Variants in STYX observed in about 807,000 individuals in gnomAD.
The protein encoded by STYX is serine/threonine/tyrosine interacting protein.
STYX carries 20 observed loss-of-function variants against 42.7 expected under a neutral mutation model. That is an observed-to-expected ratio of 0.47 (90% CI 0.33 to 0.68). The LOEUF (loss-of-function observed/expected upper bound fraction) is 0.68, where lower values mean the gene tolerates loss of function less well. Ranked by LOEUF, STYX falls within the 30% of genes least tolerant of loss-of-function variation. STYX has a pLI of 0.02. For synonymous variants in STYX, 78 were observed against 81.9 expected (o/e 0.95, Z 0.26); for missense variants, 226 against 268.5 (o/e 0.84, Z 1.11).
At chr14:52,759,216 G>T (rs928792125) in intron 8 of STYX, among the ~76,000 whole-genome samples, 1 of 152,200 alleles carries the variant, frequency 6.6e-6, no homozygotes, top group South Asian at 2.1e-4. Flanking sequence ...TCAGACTTGA[G>T]GACTCAAGTA....
intron 3 of STYX, among the ~76,000 whole-genome samples, chr14:52,748,565 G>A (rs919939078): frequency 6.6e-6 from 1 of 152,156 alleles, no homozygotes; most frequent in African/African-American, 2.4e-5. Flanking sequence ...TTAAATGTGA[G>A]GTAAGGTCAT....
intron 1 of STYX, among the ~76,000 whole-genome samples, chr14:52,739,096 G>GT (rs1881079999): frequency 1.5e-5 from 2 of 136,188 alleles, no homozygotes; most frequent in East Asian, 4.2e-4. Context: ...GATTTTGTTT[G>GT]TTTTTGGTAT....
In STYX at chr14:52,745,548, C is replaced by G. The variant is rs557206849; in HGVS notation, c.90+664C>G. On this transcript the variant is annotated intron_variant, in intron 2 of 10. Transcript: ENST00000354586. ...GATAAGTTAGGGAGAGTTGTCTGTA[C>G]AGCAAATAAGCATTGTTCATTTTGT... Among the ~76,000 whole-genome samples the G allele has an allele frequency of 1.9e-4, 29 of 152,310 alleles. No individual in the cohort carries two copies. In the South Asian group the frequency reaches 6.0e-3, roughly 32 times the overall value.
At chr14:52,741,442 G>T (rs1009180289) in intron 1 of STYX, among the ~76,000 whole-genome samples, 1 of 151,732 alleles carries the variant, frequency 6.6e-6, no homozygotes, top group Non-Finnish European at 1.5e-5. Flanking sequence ...TGAGTTTCGT[G>T]TGTGTGTGTA....
chr14:52,735,126 A>T (rs1296819509), intron 1 of STYX, among the ~76,000 whole-genome samples: 3 of 151,976 alleles, frequency 2.0e-5, no homozygotes, highest in African/African-American at 7.2e-5. Context: ...GACCAAACCC[A>T]GGTATTATAA....
rs370485509 is a variant in STYX at position 52,757,363 on chromosome 14, A to G, written c.340+8A>G. On this transcript the variant is annotated splice_region_variant and intron_variant, in intron 6 of 10. Transcript: ENST00000354586. ...GGAGCTTACAAATGGGAGGTAAATA[A>G]CATTTCCTTTCCTTAACTAATGTTT... 1.9e-6 allele frequency: 3 copies of G among 1,600,054 alleles called. No homozygotes were observed. Among genetic ancestry groups the G allele is most frequent in the Non-Finnish European group, 1.7e-6 (2 of 1,169,942 alleles).
chr14:52,734,670 T>C (rs1880873947), intron 1 of STYX, among the ~76,000 whole-genome samples: 1 of 152,222 alleles, frequency 6.6e-6, no homozygotes, highest in Non-Finnish European at 1.5e-5. Context: ...GATGCAAGTA[T>C]TGTCTGCTGA....
chr14:52,759,202 A>C (rs1044146229), intron 8 of STYX, among the ~76,000 whole-genome samples: 2 of 152,118 alleles, frequency 1.3e-5, no homozygotes, highest in Admixed American at 1.3e-4. Context: ...AGCTCACTGT[A>C]GTCTCAGACT....
intron 1 of STYX, among the ~76,000 whole-genome samples, chr14:52,732,062 A>G (rs1000279639): frequency 1.4e-5 from 2 of 144,664 alleles, no homozygotes; most frequent in Non-Finnish European, 3.0e-5. Flanking sequence ...GGTGTGAGCC[A>G]CTGCACCTGG....
intron 10 of STYX, among the ~76,000 whole-genome samples, chr14:52,770,725 C>G (rs1882479089): frequency 6.6e-6 from 1 of 151,980 alleles, no homozygotes; most frequent in Admixed American, 6.6e-5. Flanking sequence ...AAACAATTAA[C>G]TTGATAACTA....
At chr14:52,734,659 T>C (rs982133580) in intron 1 of STYX, among the ~76,000 whole-genome samples, 1 of 152,216 alleles carries the variant, frequency 6.6e-6, no homozygotes, top group African/African-American at 2.4e-5. Flanking sequence ...TAGTGGATAA[T>C]GATGCAAGTA....
chr14:52,733,220 G>A (rs1194902762), intron 1 of STYX, among the ~76,000 whole-genome samples: 3 of 151,968 alleles, frequency 2.0e-5, no homozygotes, highest in African/African-American at 4.8e-5. Flanking sequence ...AAATTTTCCC[G>A]GACTTTGCAT....
chr14:52,752,866 T>G (rs1386550704), intron 4 of STYX, among the ~76,000 whole-genome samples: 1 of 141,726 alleles, frequency 7.1e-6, no homozygotes, highest in Non-Finnish European at 1.5e-5. Context: ...TAATTTTGTT[T>G]TTTTTTGTTG....
At chr14:52,757,705 G>C in intron 6 of STYX, 38 bp from the exon 7 acceptor site, 1 of 1,601,348 alleles carries the variant, frequency 6.2e-7, no homozygotes, top group Non-Finnish European at 8.6e-7. Flanking sequence ...ACTGACTCAG[G>C]TGTTTTTCTA....
intron 1 of STYX, among the ~76,000 whole-genome samples, chr14:52,731,433 C>CTTTTTTTTTTTTTTTTTTTTTTTTTTTTT (rs34855760): frequency 9.5e-6 from 1 of 105,628 alleles, no homozygotes; most frequent in Non-Finnish European, 1.8e-5. Context: ...TGGAGGTTCA[C>CTTTTTTTTTTTTTTTTTTTTTTTTTTTTT]TTTTTTTTTT....
intron 4 of STYX, among the ~76,000 whole-genome samples, chr14:52,754,213 A>G (rs944977280): frequency 6.6e-6 from 1 of 151,108 alleles, no homozygotes; most frequent in Admixed American, 6.6e-5. Context: ...TATGAAAGAA[A>G]TACTTTTTTT....
At chr14:52,763,140 G>T (rs908226217) in intron 9 of STYX, among the ~76,000 whole-genome samples, 1 of 151,812 alleles carries the variant, frequency 6.6e-6, no homozygotes, top group Non-Finnish European at 1.5e-5. Context: ...TGATCCGCCC[G>T]CCTCGGCCCC....
In STYX at chr14:52,742,001, A is replaced by G. The variant is rs576965109; in HGVS notation, c.58-2851A>G. ...TATCTGTGTGAATTATTTCTGATCT[A>G]GGTTTAAGGTGTGTTTTTCTAGAGA... is the stretch of plus-strand genomic sequence containing the variant. On this transcript the variant is annotated intron_variant, in intron 1 of 10. Coordinates refer to ENST00000354586, the MANE Select transcript of STYX (RefSeq NM_145251.4). Among the ~76,000 whole-genome samples the G allele has an allele frequency of 3.9e-4, 60 of 152,200 alleles. No homozygotes were observed. The South Asian group carries it at 0.011, about 29-fold the overall frequency.
At chr14:52,739,963 A>G (rs928424139) in intron 1 of STYX, among the ~76,000 whole-genome samples, 2 of 152,072 alleles carry the variant, frequency 1.3e-5, no homozygotes, top group African/African-American at 2.4e-5. Flanking sequence ...ATATAAAAAG[A>G]TTACCATAAC....
Sources: gnomAD v4.1 joint callset for allele counts (sites outside exome capture counted in the v4.1 genomes callset) on GRCh38, gnomAD v4.1.1 for gene constraint, MANE v1.5 for transcripts, NCBI Gene and HGNC (gene_info 2026-07-23, HGNC 2026-07-21) for gene names.